THSD7A: variants seen among roughly 807,000 people sequenced by gnomAD.
THSD7A encodes the protein thrombospondin type 1 domain containing 7A.
Under a neutral mutation model 231.3 loss-of-function variants are expected in THSD7A, and 96 were observed. The observed-to-expected ratio is 0.41, with a 90% CI of 0.35 to 0.49. The LOEUF is 0.49. THSD7A is among the 20% of genes least tolerant of loss of function. The pLI is 0.05. For synonymous variants in THSD7A, 940 were observed against 743.3 expected (o/e 1.26, Z -4.30); for missense variants, 2,290 against 2,070.2 (o/e 1.11, Z -2.06).
intron 15 of THSD7A, among the ~76,000 whole-genome samples, chr7:11,425,686 A>T (rs538740109): frequency 1.3e-5 from 2 of 151,110 alleles, no homozygotes; most frequent in South Asian, 2.1e-4. Context: ...AAATTCTTTG[A>T]AAGTATTTTT....
At chr7:11,617,181 A>G (rs1781136038) in intron 2 of THSD7A, among the ~76,000 whole-genome samples, 1 of 152,186 alleles carries the variant, frequency 6.6e-6, no homozygotes, top group South Asian at 2.1e-4. Context: ...TTTTACCGGA[A>G]CTATTATATA....
chr7:11,465,735 C>T (rs1352127365), intron 9 of THSD7A, among the ~76,000 whole-genome samples: 1 of 151,912 alleles, frequency 6.6e-6, no homozygotes, highest in Non-Finnish European at 1.5e-5. Context: ...GAGGAAGAAG[C>T]CTCTGCAATA....
chr7:11,379,164 T>C lies in THSD7A; in HGVS notation c.4707A>G (p.Gly1569=). The change falls in exon 26 of 28, where the codon GGA becomes GGG. Residue 1569 remains glycine, a synonymous_variant. Coordinates refer to ENST00000423059, the MANE Select transcript of THSD7A (RefSeq NM_015204.3). ...VVLPTMEDKR[G]DVKTSRAVHP... ...GTACAGCCCGACTGGTTTTCACATCTCCTCTTTTGTCCTCCATGGTGGGTA... is the reference window on the plus strand; with the variant it reads ...GTACAGCCCGACTGGTTTTCACATCCCCTCTTTTGTCCTCCATGGTGGGTA... The C allele has an allele frequency of 6.2e-7, 1 of 1,613,694 alleles. No homozygotes were observed.
rs76241885 is a variant in THSD7A at position 11,505,879 on chromosome 7, C to T, written c.1823-23897G>A. Among the ~76,000 whole-genome samples, 8 of 152,242 alleles carry T rather than the reference C, an allele frequency of 5.3e-5. No individual in the cohort carries two copies. The East Asian group carries it at 1.5e-3, about 29-fold the overall frequency. On this transcript the variant is annotated intron_variant, in intron 6 of 27. Transcript: ENST00000423059. ...GGGGCTCATTATCTAGTTTCTTCTTCTCGTAGTGACTTGACATGAGAAGAA... is the reference window on the plus strand; with the variant it reads ...GGGGCTCATTATCTAGTTTCTTCTTTTCGTAGTGACTTGACATGAGAAGAA...
At chr7:11,404,554 C>G (rs1783518751) in intron 22 of THSD7A, among the ~76,000 whole-genome samples, 1 of 152,184 alleles carries the variant, frequency 6.6e-6, no homozygotes, top group Non-Finnish European at 1.5e-5. Flanking sequence ...GGAGCTGTCA[C>G]CTGCTGCCAC....
chr7:11,615,229 A>G (rs147207618), intron 2 of THSD7A, among the ~76,000 whole-genome samples: 4 of 152,348 alleles, frequency 2.6e-5, no homozygotes, highest in Non-Finnish European at 5.9e-5. Context: ...ACCAAGGGAC[A>G]TGATCACCCT....
At chr7:11,567,951 G>A (rs7784729) in intron 4 of THSD7A, among the ~76,000 whole-genome samples, 1 of 151,750 alleles carries the variant, frequency 6.6e-6, no homozygotes, top group African/African-American at 2.4e-5. Flanking sequence ...CTATTAATGA[G>A]TCCTTACATT....
In THSD7A at chr7:11,688,447, A is replaced by G. The variant is rs536615275; in HGVS notation, c.191-51486T>C. Among the ~76,000 whole-genome samples the G allele has an allele frequency of 1.3e-4, 19 of 151,942 alleles. No homozygotes were observed. In the South Asian group the frequency reaches 3.3e-3, roughly 27 times the overall value. Reference sequence around the variant, plus strand: ...CTTATAGCCTAATGGAGAGAACACCAAGAGTGCATATAATCATTCATCCAC... The same window carrying G: ...CTTATAGCCTAATGGAGAGAACACCGAGAGTGCATATAATCATTCATCCAC... On this transcript the variant is annotated intron_variant, in intron 1 of 27. Transcript: ENST00000423059.
In THSD7A at chr7:11,474,711, A is replaced by T. The variant is rs1416905789; in HGVS notation, c.2018-143T>A. ...AAGTTCATAAATACACGCAATATTT[A>T]TGTGAGATGCTTCAAGGGATACCTA... On this transcript the variant is annotated intron_variant, in intron 7 of 27. Transcript: ENST00000423059. The surrounding 1 kb of genome is among the most constrained non-coding windows in gnomAD (Gnocchi z 4.1). 2 of 646,890 alleles carry T rather than the reference A, an allele frequency of 3.1e-6. No homozygotes were observed. The highest frequency in any genetic ancestry group is 5.2e-6 in the Non-Finnish European group (2 of 381,604). The allele number at this position is 646,890 out of a possible 1,614,324, so 40.1% of individuals were successfully genotyped here.
intron 1 of THSD7A, among the ~76,000 whole-genome samples, chr7:11,741,875 A>G (rs1471861047): frequency 6.6e-6 from 1 of 151,946 alleles, no homozygotes; most frequent in Non-Finnish European, 1.5e-5. Flanking sequence ...AACTGCTTCC[A>G]AAGCTCATGT....
intron 1 of THSD7A, among the ~76,000 whole-genome samples, chr7:11,778,745 C>T (rs1783527663): frequency 6.6e-6 from 1 of 152,054 alleles, no homozygotes; most frequent in African/African-American, 2.4e-5. Flanking sequence ...TTAACTGAAT[C>T]ATATGAATAT....
chr7:11,571,427 G>C lies in THSD7A; in HGVS notation c.1453+19033C>G, dbSNP rs549413441. 1.2e-4 allele frequency among the ~76,000 whole-genome samples: 18 copies of C among 152,308 alleles called. 1 individual carries two copies. The highest frequency in any genetic ancestry group is 4.3e-4 in the African/African-American group (18 of 41,568). ...TACTTCTTGCTAAATCATTGGCCGT[G>C]CCTTATATTTTAGATCAGATTTGTT... On this transcript the variant is annotated intron_variant, in intron 4 of 27. Coordinates refer to ENST00000423059, the MANE Select transcript of THSD7A (RefSeq NM_015204.3).
At chr7:11,536,632 G>T (rs1225476791) in intron 6 of THSD7A, among the ~76,000 whole-genome samples, 2 of 152,080 alleles carry the variant, frequency 1.3e-5, no homozygotes, top group Admixed American at 1.3e-4. Context: ...ATGGTTTTAG[G>T]AGCTCAAGAC....
chr7:11,829,360 G>C (rs1371840435), intron 1 of THSD7A, among the ~76,000 whole-genome samples: 1 of 151,876 alleles, frequency 6.6e-6, no homozygotes, highest in African/African-American at 2.4e-5. Flanking sequence ...GGTTAAAAAG[G>C]CCCTTAGATA....
At position 11,696,312 on chromosome 7, in the gene THSD7A, AT is replaced by A. The variant is rs1389313625; in HGVS notation, c.191-59352del. On this transcript the variant is annotated intron_variant, in intron 1 of 27. Transcript: ENST00000423059. ...TTTTAAAGGTTTACTATAGAAAAAA[AT>A]AGCACACTTCTTGTGTGACTTCATT... Among the ~76,000 whole-genome samples the A allele has an allele frequency of 2.6e-5, 4 of 151,696 alleles. No individual in the cohort carries two copies. In the East Asian group the frequency reaches 7.8e-4, roughly 30 times the overall value.
At chr7:11,743,655 A>G (rs1423902404) in intron 1 of THSD7A, among the ~76,000 whole-genome samples, 1 of 151,564 alleles carries the variant, frequency 6.6e-6, no homozygotes, top group Non-Finnish European at 1.5e-5. Context: ...GAGTGGAGGA[A>G]AGTGATGTGA....
At chr7:11,670,146 T>G (rs1403058666) in intron 1 of THSD7A, among the ~76,000 whole-genome samples, 1 of 152,196 alleles carries the variant, frequency 6.6e-6, no homozygotes, top group Non-Finnish European at 1.5e-5. Flanking sequence ...AGCAGATCTT[T>G]GTGTCAACAT....
intron 1 of THSD7A, among the ~76,000 whole-genome samples, chr7:11,708,267 C>T (rs2128147636): frequency 6.6e-6 from 1 of 150,694 alleles, no homozygotes; most frequent in East Asian, 2.0e-4. Flanking sequence ...TCAGTAACAA[C>T]TTTATAATTA....
intron 1 of THSD7A, among the ~76,000 whole-genome samples, chr7:11,708,305 T>A (rs573289268): frequency 6.6e-6 from 1 of 150,906 alleles, no homozygotes; most frequent in South Asian, 2.1e-4. Flanking sequence ...AATTAGTTTT[T>A]AAAAAATATA....
Sources: gnomAD v4.1 joint callset for allele counts (sites outside exome capture counted in the v4.1 genomes callset) on GRCh38, gnomAD v4.1.1 for gene constraint, Gnocchi (gnomAD v3.1) non-coding constraint, MANE v1.5 for transcripts, NCBI Gene and HGNC (gene_info 2026-07-23, HGNC 2026-07-21) for gene names.